Variants in NCKAP5 observed in about 807,000 individuals in gnomAD.
NCKAP5 encodes the protein nck-associated protein 5.
Under a neutral mutation model 167.0 loss-of-function variants are expected in NCKAP5, and 92 were observed. The observed-to-expected ratio is 0.55, with a 90% confidence interval of 0.47 to 0.66. The LOEUF (loss-of-function observed/expected upper bound fraction) is 0.66. NCKAP5 is among the 30% of genes least tolerant of loss of function. The probability of loss-of-function intolerance (pLI) is 0.00; values close to 1 mark genes in which losing one functional copy is unlikely to be tolerated. For synonymous variants in NCKAP5, 891 were observed against 877.4 expected, an observed-to-expected ratio of 1.02 and a Z score of -0.27; for missense variants, 2,378 against 2,315.0, an observed-to-expected ratio of 1.03 and a Z score of -0.56.
At position 133,478,712 on chromosome 2, in the gene NCKAP5, C is replaced by T. The variant is rs183838375; in HGVS notation, c.69+38746G>A. On this transcript the variant is annotated intron_variant, in intron 3 of 19. Coordinates refer to ENST00000409261, the MANE Select transcript of NCKAP5 (RefSeq NM_207363.3). ...TCACTACCCTTACCCTAGTCAACTG[C>T]GATGCATTTCAAATGTTTCATCTCT... Among the ~76,000 whole-genome samples, 870 of 152,186 alleles carry T rather than the reference C, an allele frequency of 5.7e-3. 22 individuals carry two copies. The highest frequency in any genetic ancestry group is 0.045 in the Admixed American group (682 of 15,274).
chr2:133,499,596 G>C (rs1308474764), intron 3 of NCKAP5, among the ~76,000 whole-genome samples: 1 of 152,100 alleles, frequency 6.6e-6, no homozygotes, highest in Non-Finnish European at 1.5e-5. Context: ...GTCTAGCTCT[G>C]TCGCCCAGGT....
chr2:132,895,402 C>T (rs2148888459), intron 8 of NCKAP5, among the ~76,000 whole-genome samples: 1 of 150,546 alleles, frequency 6.6e-6, no homozygotes, highest in Middle Eastern at 3.5e-3. Flanking sequence ...AGAGAAGTTA[C>T]CTTTGATTTG....
chr2:133,584,497 G>A, the NCKAP5 span, among the ~76,000 whole-genome samples: 1 of 152,200 alleles, frequency 6.6e-6, no homozygotes, highest in Non-Finnish European at 1.5e-5. Context: ...AGGTGCAGTG[G>A]CTCATGCCTG....
intron 6 of NCKAP5, among the ~76,000 whole-genome samples, chr2:133,002,249 C>T (rs1226857539): frequency 1.3e-5 from 2 of 152,134 alleles, no homozygotes; most frequent in Non-Finnish European, 2.9e-5. Context: ...CCAGTGAATG[C>T]CTAAAACCCT....
chr2:133,497,617 T>C (rs982115792), intron 3 of NCKAP5, among the ~76,000 whole-genome samples: 16 of 152,232 alleles, frequency 1.1e-4, no homozygotes, highest in African/African-American at 3.6e-4. Flanking sequence ...CCTTGTCCTA[T>C]AGGATCCTTG....
At chr2:133,115,395 T>G (rs1353360968) in intron 6 of NCKAP5, among the ~76,000 whole-genome samples, 2 of 152,154 alleles carry the variant, frequency 1.3e-5, no homozygotes, top group Non-Finnish European at 2.9e-5. Context: ...CCACTACAAG[T>G]GTACAAGCAT....
intron 13 of NCKAP5, 106 bp from the exon 14 acceptor site, chr2:132,785,824 T>C: frequency 2.4e-6 from 2 of 822,470 alleles, no homozygotes; most frequent in Non-Finnish European, 3.4e-6. Context: ...GGTTGGTAAC[T>C]ATTCACATAT....
intron 12 of NCKAP5, among the ~76,000 whole-genome samples, chr2:132,794,984 G>C (rs1245942026): frequency 6.6e-6 from 1 of 152,156 alleles, no homozygotes; most frequent in Non-Finnish European, 1.5e-5. Context: ...GGGGCCAAAG[G>C]AACAGAGATC....
At position 132,853,731 on chromosome 2, in the gene NCKAP5, G is replaced by A. The variant is rs147184177; in HGVS notation, c.807+6761C>T. Among the ~76,000 whole-genome samples the A allele has an allele frequency of 7.4e-4, 113 of 152,172 alleles. 1 individual carries two copies. Among genetic ancestry groups the A allele is most frequent in the South Asian group, 3.1e-3 (15 of 4,814 alleles). On this transcript the variant is annotated intron_variant, in intron 11 of 19. Coordinates refer to ENST00000409261, the MANE Select transcript of NCKAP5 (RefSeq NM_207363.3). ...ATATAATACAATCTCTACAGCTTAC[G>A]GAGCCAACAATTCCAAGACAGAACC...
intron 7 of NCKAP5, among the ~76,000 whole-genome samples, chr2:132,969,109 C>T (rs1573585584): frequency 6.6e-6 from 1 of 152,262 alleles, no homozygotes; most frequent in African/African-American, 2.4e-5. Flanking sequence ...GCAATCTCGG[C>T]TCACTGCAAC....
intron 16 of NCKAP5, among the ~76,000 whole-genome samples, chr2:132,763,497 A>C (rs1353422576): frequency 6.6e-6 from 1 of 152,212 alleles, no homozygotes; most frequent in Non-Finnish European, 1.5e-5. Flanking sequence ...GATCTTCAAG[A>C]ACTACAAATG....
In NCKAP5 at chr2:132,724,139, C is replaced by T. The variant is rs147197654; in HGVS notation, c.5713+1488G>A. 3.5e-3 allele frequency among the ~76,000 whole-genome samples: 536 copies of T among 152,262 alleles called. 2 individuals are homozygous for T. The highest frequency in any genetic ancestry group is 0.012 in the African/African-American group (492 of 41,562). On this transcript the variant is annotated intron_variant, in intron 19 of 19. Coordinates refer to ENST00000409261, the MANE Select transcript of NCKAP5 (RefSeq NM_207363.3). ...TCACTCACTCTCCTGCTTCAGCTCT[C>T]TCTGCTCAAAAGTCGCTTTCTTGGT...
intron 1 of NCKAP5, among the ~76,000 whole-genome samples, chr2:133,559,980 T>C (rs1220601479): frequency 2.0e-5 from 3 of 152,208 alleles, no homozygotes; most frequent in Non-Finnish European, 4.4e-5. Flanking sequence ...AAAGAAATCC[T>C]TGCCCATTTT....
intron 8 of NCKAP5, among the ~76,000 whole-genome samples, chr2:132,907,367 C>T (rs985874914): frequency 8.5e-5 from 13 of 152,186 alleles, no homozygotes; most frequent in Non-Finnish European, 1.6e-4. Flanking sequence ...ATTAAGATCA[C>T]GCGGGTAGCA....
intron 7 of NCKAP5, among the ~76,000 whole-genome samples, chr2:132,988,872 T>G (rs1417159479): frequency 6.6e-6 from 1 of 152,214 alleles, no homozygotes; most frequent in Non-Finnish European, 1.5e-5. Flanking sequence ...AATTGGTGAC[T>G]CTAAATTCCC....
intron 3 of NCKAP5, among the ~76,000 whole-genome samples, chr2:133,410,703 G>T (rs1688721093): frequency 6.6e-6 from 1 of 152,134 alleles, no homozygotes; most frequent in Admixed American, 6.5e-5. Context: ...AATTCAGGGG[G>T]TGAAGTCCAA....
At chr2:132,959,305 G>A (rs1450924108) in intron 8 of NCKAP5, among the ~76,000 whole-genome samples, 2 of 152,126 alleles carry the variant, frequency 1.3e-5, no homozygotes, top group African/African-American at 4.8e-5. Context: ...ACATTTAATT[G>A]CCATATTTTT....
chr2:133,112,978 C>A (rs1312514186), intron 6 of NCKAP5, among the ~76,000 whole-genome samples: 1 of 152,180 alleles, frequency 6.6e-6, no homozygotes. Flanking sequence ...AGATAACAGG[C>A]CATAGGGCAG....
At chr2:132,960,766 C>T (rs149867092) in intron 8 of NCKAP5, among the ~76,000 whole-genome samples, 411 of 152,202 alleles carry the variant, frequency 2.7e-3, no homozygotes, top group African/African-American at 9.3e-3. Flanking sequence ...TAATCAAGAA[C>T]GTAATATAGA....
Sources: gnomAD v4.1 joint callset for allele counts (sites outside exome capture counted in the v4.1 genomes callset) on GRCh38, gnomAD v4.1.1 for gene constraint, MANE v1.5 for transcripts, NCBI Gene and HGNC (gene_info 2026-07-23, HGNC 2026-07-21) for gene names.